Variants in ANKRD6 observed in about 807,000 individuals in gnomAD.
The protein encoded by ANKRD6 is ankyrin repeat domain 6.
In ANKRD6, 56 loss-of-function variants were observed where a neutral mutation model predicts 82.3. That is an observed-to-expected ratio of 0.68 (90% CI 0.55 to 0.85). ANKRD6 has a LOEUF of 0.85. Among genes scored for constraint, ANKRD6 ranks in the 40% least tolerant of loss-of-function variants. ANKRD6 has a pLI of 0.00. For synonymous variants in ANKRD6, 347 were observed against 352.1 expected, an observed-to-expected ratio of 0.99 and a Z score of 0.16; for missense variants, 852 against 907.6, an observed-to-expected ratio of 0.94 and a Z score of 0.79.
At chr6:89,522,146 CAG>C (rs1439043573) in intron 1 of ANKRD6, among the ~76,000 whole-genome samples, 7 of 152,122 alleles carry the variant, frequency 4.6e-5, no homozygotes, top group African/African-American at 1.2e-4. Flanking sequence ...TGAGACTTAT[CAG>C]GGGGGAATTC....
At position 89,622,017 on chromosome 6, in the gene ANKRD6, C is replaced by G; in HGVS notation, c.888C>G (p.Ala296=). ...RAQSVPRDEV[A]QSKGSVSAGD... ...AGTCTGTGCCAAGAGATGAGGTGGC[C>G]CAAAGCAAGGTGGGGGGCAGTCCTC... The change falls in exon 10 of 16, where the codon GCC becomes GCG. Residue 296 remains alanine (A), a synonymous_variant. Transcript: ENST00000339746. 1.9e-6 allele frequency: 3 copies of G among 1,612,060 alleles called. No individual in the cohort carries two copies. Among genetic ancestry groups the G allele is most frequent in the South Asian group, 1.1e-5 (1 of 90,992 alleles).
intron 1 of ANKRD6, among the ~76,000 whole-genome samples, chr6:89,460,751 G>T (rs987259362): frequency 6.6e-6 from 1 of 151,752 alleles, no homozygotes; most frequent in African/African-American, 2.4e-5. Flanking sequence ...TTTTAATGAG[G>T]TTATTTTTCT....
Position 89,612,265 on chromosome 6 carries a change from C to G in ANKRD6, c.418-7C>G. 1 of 1,554,820 alleles carries G rather than the reference C, an allele frequency of 6.4e-7. No individual in the cohort carries two copies. The highest frequency in any genetic ancestry group is 2.4e-5 in the East Asian group (1 of 41,264). The stretch of plus-strand genomic sequence containing the variant: ...ATATGTCCTCCCTCTCTCTGCCTCT[C>G]TCCAAGGCGGGGAACACAGCTCTGC... On this transcript the variant is annotated splice_polypyrimidine_tract_variant and splice_region_variant and intron_variant, in intron 5 of 15. Transcript: ENST00000339746.
intron 1 of ANKRD6, among the ~76,000 whole-genome samples, chr6:89,451,208 C>T (rs536789151): frequency 6.6e-6 from 1 of 152,030 alleles, no homozygotes; most frequent in Non-Finnish European, 1.5e-5. Context: ...GCTCGGAAGG[C>T]TGAAATGGGA....
intron 2 of ANKRD6, among the ~76,000 whole-genome samples, chr6:89,584,892 G>A (rs2128125982): frequency 6.6e-6 from 1 of 152,232 alleles, no homozygotes; most frequent in South Asian, 2.1e-4. Flanking sequence ...GTAGATGGCT[G>A]GCTTCTCTCT....
chr6:89,596,561 A>G (rs192890609), intron 3 of ANKRD6, among the ~76,000 whole-genome samples: 48 of 152,330 alleles, frequency 3.2e-4, no homozygotes, highest in African/African-American at 1.0e-3. Context: ...AGGCCTCCAG[A>G]AAGAGTTTAC....
intron 2 of ANKRD6, among the ~76,000 whole-genome samples, chr6:89,592,698 A>G (rs1332835369): frequency 6.6e-6 from 1 of 152,154 alleles, no homozygotes; most frequent in East Asian, 1.9e-4. Flanking sequence ...TTTGCTCCTC[A>G]TGGTTCTGGG....
intron 1 of ANKRD6, among the ~76,000 whole-genome samples, chr6:89,502,748 T>C (rs1005657157): frequency 1.3e-5 from 2 of 152,226 alleles, no homozygotes; most frequent in African/African-American, 2.4e-5. Flanking sequence ...ATAATAGCTA[T>C]GGAAATGTAG....
chr6:89,625,481 A>G (rs1805327782), intron 13 of ANKRD6, among the ~76,000 whole-genome samples: 1 of 152,162 alleles, frequency 6.6e-6, no homozygotes, highest in South Asian at 2.1e-4. Flanking sequence ...GAATGCTTGT[A>G]TATAATCCCT....
intron 1 of ANKRD6, among the ~76,000 whole-genome samples, chr6:89,492,312 C>T (rs7742502): frequency 0.45 from 68,876 of 151,922 alleles, 16,076 homozygotes; most frequent in African/African-American, 0.55. Context: ...GACCTGGTGC[C>T]TTTGTGATGG....
At chr6:89,602,455 G>C (rs1052042907) in intron 3 of ANKRD6, 1 of 152,350 alleles carries the variant, frequency 6.6e-6, no homozygotes, top group South Asian at 2.1e-4. Flanking sequence ...CTCTGAAGAG[G>C]CTTCTTAGAA....
intron 1 of ANKRD6, among the ~76,000 whole-genome samples, chr6:89,531,723 C>G (rs1413722032): frequency 6.6e-6 from 1 of 152,256 alleles, no homozygotes; most frequent in African/African-American, 2.4e-5. Flanking sequence ...CCAGTATCAT[C>G]GGACCTTTGG....
At chr6:89,626,794 G>T (rs1201690106) in intron 13 of ANKRD6, among the ~76,000 whole-genome samples, 2 of 152,224 alleles carry the variant, frequency 1.3e-5, no homozygotes, top group Admixed American at 6.5e-5. Flanking sequence ...CTCCAGAAGG[G>T]CATGTGATTA....
At chr6:89,622,405 A>G (rs1022119268) in intron 10 of ANKRD6, among the ~76,000 whole-genome samples, 1 of 152,208 alleles carries the variant, frequency 6.6e-6, no homozygotes, top group Admixed American at 6.5e-5. Flanking sequence ...GGACCTTATT[A>G]GAAATGATAA....
chr6:89,620,648 T>C (rs1460944776), intron 9 of ANKRD6, among the ~76,000 whole-genome samples: 1 of 152,168 alleles, frequency 6.6e-6, no homozygotes, highest in Non-Finnish European at 1.5e-5. Context: ...CCCTGCCAAT[T>C]AAGCCACCTG....
chr6:89,499,121 C>G (rs561166978), intron 1 of ANKRD6, among the ~76,000 whole-genome samples: 38 of 152,088 alleles, frequency 2.5e-4, no homozygotes, highest in African/African-American at 8.9e-4. Context: ...TAGAAAAAGA[C>G]TTTGCCTTCT....
chr6:89,625,145 T>C (rs1324080370), intron 13 of ANKRD6, among the ~76,000 whole-genome samples: 1 of 152,060 alleles, frequency 6.6e-6, no homozygotes, highest in Non-Finnish European at 1.5e-5. Flanking sequence ...TAGCCTGGTG[T>C]GGTGGCACAC....
intron 1 of ANKRD6, among the ~76,000 whole-genome samples, chr6:89,493,480 G>A (rs1159777444): frequency 6.6e-6 from 1 of 152,058 alleles, no homozygotes; most frequent in African/African-American, 2.4e-5. Context: ...CATGATCTCA[G>A]CTCACTGCAG....
At chr6:89,528,810 C>A (rs1198884669) in intron 1 of ANKRD6, among the ~76,000 whole-genome samples, 1 of 152,196 alleles carries the variant, frequency 6.6e-6, no homozygotes, top group Non-Finnish European at 1.5e-5. Flanking sequence ...CAACAGTAAT[C>A]TTTTTGTACA....
Sources: allele counts gnomAD v4.1 joint callset (sites outside exome capture counted in the v4.1 genomes callset), GRCh38; gene constraint gnomAD v4.1.1; transcripts MANE v1.5; gene names NCBI Gene and HGNC (gene_info 2026-07-23, HGNC 2026-07-21).